RAI1: variants seen among roughly 807,000 people sequenced by gnomAD.
RAI1 encodes the protein retinoic acid-induced protein 1.
Under a neutral mutation model 123.8 loss-of-function variants are expected in RAI1, and 9 were observed. The observed-to-expected ratio is 0.07, with a 90% CI of 0.04 to 0.13. The LOEUF (loss-of-function observed/expected upper bound fraction) is 0.13, where lower values mean the gene tolerates loss of function less well. RAI1 is among the 10% of genes least tolerant of loss of function. The probability of loss-of-function intolerance (pLI) is 1.00; values close to 1 mark genes in which losing one functional copy is unlikely to be tolerated. For missense variants in RAI1, 2,256 were observed against 2,545.8 expected, an observed-to-expected ratio of 0.89 and a Z score of 2.45; for synonymous variants, 1,231 against 1,127.3, an observed-to-expected ratio of 1.09 and a Z score of -1.84.
chr17:17,764,666 G>A (rs1302985906), intron 2 of RAI1, among the ~76,000 whole-genome samples: 4 of 151,850 alleles, frequency 2.6e-5, no homozygotes, highest in Non-Finnish European at 4.4e-5. Context: ...GTTTTGCCAT[G>A]TTGGCCAGGC....
chr17:17,792,372 C>T (rs1323930670), intron 2 of RAI1, among the ~76,000 whole-genome samples: 1 of 151,986 alleles, frequency 6.6e-6, no homozygotes, highest in African/African-American at 2.4e-5. Flanking sequence ...TGTGTGCACG[C>T]ATGTGCGTGG....
chr17:17,700,377 G>GCGCGGCT (rs1247987602), intron 1 of RAI1, among the ~76,000 whole-genome samples: 1 of 151,786 alleles, frequency 6.6e-6, no homozygotes, highest in Non-Finnish European at 1.5e-5. Context: ...CGAGCTGGAG[G>GCGCGGCT]CGCGGCTCCC....
intron 2 of RAI1, among the ~76,000 whole-genome samples, chr17:17,762,856 A>G (rs1227908949): frequency 1.3e-5 from 2 of 150,444 alleles, no homozygotes; most frequent in African/African-American, 2.5e-5. Context: ...CCACTCCCCA[A>G]CCCCCTCCTC....
chr17:17,785,281 C>T (rs1204267035), intron 2 of RAI1, among the ~76,000 whole-genome samples: 1 of 152,218 alleles, frequency 6.6e-6, no homozygotes, highest in Non-Finnish European at 1.5e-5. Flanking sequence ...CATCCTCAAA[C>T]CTGTCTCTGG....
Position 17,796,697 on chromosome 17 carries a change from A to G in RAI1, c.3749A>G (p.Asn1250Ser), listed in dbSNP as rs775749098. 1.9e-6 allele frequency: 3 copies of G among 1,613,276 alleles called. No homozygotes were observed. In the South Asian group the frequency reaches 3.3e-5, roughly 18 times the overall value. Residue 1250 changes from asparagine (N) to serine (S), a missense_variant, in exon 3 of 6, where the codon AAC becomes AGC. Around this residue, in one of 7 missense-constraint regions of RAI1, gnomAD observed 322 missense variants for 358.0 expected, o/e 0.90. Coordinates refer to ENST00000353383, the MANE Select transcript of RAI1 (RefSeq NM_030665.4). This position sits in a 1 kb window ranked among gnomAD's most constrained non-coding sequence, Gnocchi z 5.8. ...VLRSRSSSSS[N>S]ASGNGGDGKE... ...CGGAGCCGCAGCAGCAGCAGCAGCA[A>G]CGCCAGTGGCAATGGGGGAGATGGG...
At chr17:17,711,484 C>T (rs540252919) in intron 1 of RAI1, among the ~76,000 whole-genome samples, 4 of 152,186 alleles carry the variant, frequency 2.6e-5, no homozygotes, top group Non-Finnish European at 5.9e-5. Context: ...CAAGGGCCTA[C>T]GGCATGCTGG....
At chr17:17,783,599 C>G (rs2031704178) in intron 2 of RAI1, among the ~76,000 whole-genome samples, 2 of 152,172 alleles carry the variant, frequency 1.3e-5, no homozygotes, top group Admixed American at 6.5e-5. Flanking sequence ...CCCCTCTGCC[C>G]CAGCCGGGCT....
chr17:17,797,933 C>G lies in RAI1; in HGVS notation c.4985C>G (p.Pro1662Arg), dbSNP rs1362395972. 1.2e-6 allele frequency: 2 copies of G among 1,614,044 alleles called. No individual in the cohort carries two copies. The highest frequency in any genetic ancestry group is 2.2e-5 in the South Asian group (2 of 91,084). Residue 1662 changes from proline (P) to arginine (R), a missense_variant, in exon 3 of 6, where the codon CCC becomes CGC. By Grantham distance (103) the Pro-to-Arg change is moderately radical. Coordinates refer to ENST00000353383, the MANE Select transcript of RAI1 (RefSeq NM_030665.4). ...LPGGSILQPR[P>R]SLPLSSTMHL... ...GGAGGCTCCATCCTGCAGCCGCGGC[C>G]CTCCTTGCCCCTCTCCTCCACGATG...
At chr17:17,753,265 C>T (rs749810549) in intron 2 of RAI1, among the ~76,000 whole-genome samples, 15 of 152,172 alleles carry the variant, frequency 9.9e-5, no homozygotes, top group Admixed American at 6.5e-5. Flanking sequence ...TGCTCAGGAC[C>T]CCTGCCGACC....
intron 2 of RAI1, among the ~76,000 whole-genome samples, chr17:17,745,104 G>A (rs1428474479): frequency 3.3e-5 from 5 of 152,156 alleles, no homozygotes; most frequent in African/African-American, 1.2e-4. Flanking sequence ...GTCCACAAAG[G>A]AGGGAACTAA....
At position 17,796,726 on chromosome 17, in the gene RAI1, G is replaced by C; in HGVS notation, c.3778G>C (p.Glu1260Gln). Reference sequence around the variant, plus strand: ...CAGTGGCAATGGGGGAGATGGGAAGGAGGAGAGGCCTGAGGGTTCCCCCAC... The same window carrying C: ...CAGTGGCAATGGGGGAGATGGGAAGCAGGAGAGGCCTGAGGGTTCCCCCAC... The part of the protein sequence containing the change: ...NASGNGGDGK[E>Q]ERPEGSPTLF... The change falls in exon 3 of 6, where the codon GAG (glutamate) becomes CAG (glutamine). Residue 1260 changes from glutamate to glutamine, a missense_variant. By Grantham distance (29) the Glu-to-Gln change is conservative. This residue lies in a region of RAI1 where 322 missense variants were observed against 358.0 expected (regional missense o/e 0.90). Transcript: ENST00000353383. The surrounding 1 kb of genome is among the most constrained non-coding windows in gnomAD (Gnocchi z 5.8). 1 of 1,597,948 alleles carries C rather than the reference G, an allele frequency of 6.3e-7. No homozygotes were observed. The highest frequency in any genetic ancestry group is 8.6e-7 in the Non-Finnish European group (1 of 1,165,626).
At chr17:17,806,306 A>G (rs1001086022) in intron 4 of RAI1, among the ~76,000 whole-genome samples, 13 of 152,228 alleles carry the variant, frequency 8.5e-5, no homozygotes, top group African/African-American at 2.9e-4. Context: ...CTTTTATTTC[A>G]GATAAAATCC....
rs1226126106 is a variant in RAI1, at chr17:17,794,714, C to G, written c.1766C>G (p.Ala589Gly). The G allele has an allele frequency of 6.2e-7, 1 of 1,611,326 alleles. No individual in the cohort carries two copies. The highest frequency in any genetic ancestry group is 8.5e-7 in the Non-Finnish European group (1 of 1,180,028). The change falls in exon 3 of 6, where the codon GCG becomes GGG. Residue 589 changes from alanine (A) to glycine (G), a missense_variant. Transcript: ENST00000353383. The part of the protein sequence containing the change: ...LPLDSFSKFV[A>G]GERDCPRLLL... ...CTCGACAGCTTCTCCAAGTTCGTGGCGGGTGAGCGGGACTGTCCGCGGCTG... is the reference window on the plus strand; with the variant it reads ...CTCGACAGCTTCTCCAAGTTCGTGGGGGGTGAGCGGGACTGTCCGCGGCTG...
intron 1 of RAI1, among the ~76,000 whole-genome samples, chr17:17,708,674 C>T (rs1915468706): frequency 6.6e-6 from 1 of 152,142 alleles, no homozygotes; most frequent in African/African-American, 2.4e-5. Context: ...CCTTGTACAC[C>T]TCCTGTGACT....
In RAI1 at chr17:17,686,127, AGTGCCAAGGGCG is replaced by A. The variant is rs532512339; in HGVS notation, c.-149+4335_-149+4346del. Among the ~76,000 whole-genome samples the A allele has an allele frequency of 2.6e-3, 391 of 152,370 alleles. 3 individuals are homozygous for A. The highest frequency in any genetic ancestry group is 4.0e-3 in the Non-Finnish European group (271 of 68,040). Reference sequence around the variant, plus strand: ...CACGTCTCCTTGCTCTCTCCGGCCCAGTGCCAAGGGCGAGGCCTAGAACACAGGACGCTCAGA... The same window carrying A: ...CACGTCTCCTTGCTCTCTCCGGCCCAAGGCCTAGAACACAGGACGCTCAGA... On this transcript the variant is annotated intron_variant, in intron 1 of 5. Transcript: ENST00000353383.
Position 17,796,156 on chromosome 17 carries a change from G to A in RAI1, c.3208G>A (p.Gly1070Arg), listed in dbSNP as rs370633684. ...LTALSEPRTP[G>R]PPGLTTTPAP... ...GGCCCTGAGTGAGCCCCGCACGCCCGGACCCCCAGGCCTGACCACCACCCC... is the reference window on the plus strand; with the variant it reads ...GGCCCTGAGTGAGCCCCGCACGCCCAGACCCCCAGGCCTGACCACCACCCC... The change falls in exon 3 of 6, where the codon GGA becomes AGA. Residue 1070 changes from glycine (G) to arginine (R), a missense_variant. By Grantham distance (125) the Gly-to-Arg change is moderately radical. This residue lies in a region of RAI1 where 566 missense variants were observed against 616.0 expected (regional missense o/e 0.92). Transcript: ENST00000353383. The surrounding 1 kb of genome is among the most constrained non-coding windows in gnomAD (Gnocchi z 5.8). 1.6e-4 allele frequency: 252 copies of A among 1,563,784 alleles called. No individual in the cohort carries two copies. The highest frequency in any genetic ancestry group is 1.5e-4 in the Non-Finnish European group (168 of 1,153,160).
chr17:17,798,990 C>A (rs117434165), intron 3 of RAI1, among the ~76,000 whole-genome samples: 2 of 152,064 alleles, frequency 1.3e-5, no homozygotes, highest in African/African-American at 4.8e-5. Context: ...CCCTCTCTGG[C>A]GACACAGGCT....
intron 1 of RAI1, among the ~76,000 whole-genome samples, chr17:17,718,772 A>G (rs1015137649): frequency 1.3e-5 from 2 of 152,054 alleles, no homozygotes; most frequent in African/African-American, 4.8e-5. Context: ...CCCCCTGCTG[A>G]CTCAGACAGG....
chr17:17,797,106 C>T lies in RAI1; in HGVS notation c.4158C>T (p.Gly1386=). Residue 1386 remains glycine (G), a synonymous_variant, in exon 3 of 6, where the codon GGC becomes GGT. Coordinates refer to ENST00000353383, the MANE Select transcript of RAI1 (RefSeq NM_030665.4). ...VGVEEGLVNV[G]TGQKLPTSGA... is the part of the protein sequence containing the mutation. ...TGGAAGAAGGCCTGGTAAATGTGGGCACCGGGCAGAAGCTCCCAACTTCTG... is the reference window on the plus strand; with the variant it reads ...TGGAAGAAGGCCTGGTAAATGTGGGTACCGGGCAGAAGCTCCCAACTTCTG... 12 of 1,614,022 alleles carry T rather than the reference C, an allele frequency of 7.4e-6. No individual in the cohort carries two copies. The highest frequency in any genetic ancestry group is 1.0e-5 in the Non-Finnish European group (12 of 1,180,044).
Sources: gnomAD v4.1 joint callset for allele counts (sites outside exome capture counted in the v4.1 genomes callset) on GRCh38, gnomAD v4.1.1 for gene constraint, gnomAD v4.1.1 regional missense constraint, Gnocchi (gnomAD v3.1) non-coding constraint, MANE v1.5 for transcripts, NCBI Gene and HGNC (gene_info 2026-07-23, HGNC 2026-07-21) for gene names.